The following ATRNL1 variants were observed in gnomAD, a reference collection of about 807,000 sequenced individuals.
ATRNL1 encodes attractin like 1, also known as attractin-like protein 1.
A neutral mutation model predicts 182.7 loss-of-function variants in ATRNL1; 95 were observed. The observed-to-expected ratio is 0.52, with a 90% CI of 0.44 to 0.62. ATRNL1 has a LOEUF of 0.62. ATRNL1 is among the 20% of genes least tolerant of loss of function. The pLI is 0.00. For missense variants in ATRNL1, 1,471 were observed against 1,679.5 expected (o/e 0.88, Z 2.17); for synonymous variants, 576 against 568.3 (o/e 1.01, Z -0.19).
chr10:115,696,367 G>A (rs1303411416), intron 26 of ATRNL1, among the ~76,000 whole-genome samples: 1 of 152,188 alleles, frequency 6.6e-6, no homozygotes, highest in Non-Finnish European at 1.5e-5. Flanking sequence ...CTACTCAGGA[G>A]GCTGAGGTAG....
intron 19 of ATRNL1, among the ~76,000 whole-genome samples, chr10:115,339,340 CCATGAATTGATTCTTCCAATG>C (rs573631774): frequency 9.5e-4 from 144 of 152,194 alleles, no homozygotes; most frequent in Non-Finnish European, 1.7e-3. Context: ...TTCTTCCAAT[CCATGAATTGATTCTTCCAATG>C]CATTTTTGGT....
At chr10:115,744,163 A>C (rs1484910321) in intron 27 of ATRNL1, among the ~76,000 whole-genome samples, 1 of 152,118 alleles carries the variant, frequency 6.6e-6, no homozygotes, top group Non-Finnish European at 1.5e-5. Flanking sequence ...GTTTGGAGGA[A>C]TTTTAGAAAT....
At chr10:115,232,923 T>C (rs1169274672) in intron 9 of ATRNL1, among the ~76,000 whole-genome samples, 2 of 152,182 alleles carry the variant, frequency 1.3e-5, no homozygotes, top group African/African-American at 4.8e-5. Flanking sequence ...AACAGAAATT[T>C]AGCTTCTCAC....
At chr10:115,327,080 A>C (rs1554933545) in intron 18 of ATRNL1, among the ~76,000 whole-genome samples, 1 of 151,414 alleles carries the variant, frequency 6.6e-6, no homozygotes, top group Non-Finnish European at 1.5e-5. Flanking sequence ...CAAAATTGAC[A>C]AATGGGATCT....
intron 17 of ATRNL1, among the ~76,000 whole-genome samples, chr10:115,305,653 T>C (rs1007717660): frequency 6.6e-6 from 1 of 152,240 alleles, no homozygotes; most frequent in Non-Finnish European, 1.5e-5. Context: ...ACAAACATTA[T>C]TGTTCAATGA....
In ATRNL1 at chr10:115,367,852, C is replaced by G. The variant is rs550088672; in HGVS notation, c.3176-26807C>G. On this transcript the variant is annotated intron_variant, in intron 19 of 28. Transcript: ENST00000355044. ...TGCTCGGGGGTCAGGGGTCAGGGAC[C>G]CACTTGAGGAGGCAGTCTGCCCGTT... Among the ~76,000 whole-genome samples, 18 of 147,860 alleles carry G rather than the reference C, an allele frequency of 1.2e-4. No homozygotes were observed. In the South Asian group the frequency reaches 3.8e-3, roughly 31 times the overall value.
At chr10:115,835,688 C>A (rs1192956561) in intron 27 of ATRNL1, among the ~76,000 whole-genome samples, 1 of 152,208 alleles carries the variant, frequency 6.6e-6, no homozygotes, top group Admixed American at 6.5e-5. Context: ...TATAGTAGGA[C>A]TGGGATGTGC....
chr10:115,843,759 G>T (rs147095898), intron 27 of ATRNL1, among the ~76,000 whole-genome samples: 1 of 152,054 alleles, frequency 6.6e-6, no homozygotes, highest in South Asian at 2.1e-4. Flanking sequence ...CGTTTTAAGA[G>T]TTAATGTCTT....
intron 8 of ATRNL1, among the ~76,000 whole-genome samples, chr10:115,180,176 TA>T (rs1372783719): frequency 5.3e-5 from 8 of 151,992 alleles, no homozygotes; most frequent in Admixed American, 3.9e-4. Context: ...CATGTTAATT[TA>T]AAAAAATTGT....
chr10:115,924,486 C>A (rs1160729527), intron 28 of ATRNL1, among the ~76,000 whole-genome samples: 1 of 152,118 alleles, frequency 6.6e-6, no homozygotes, highest in Admixed American at 6.5e-5. Flanking sequence ...GTTTTTCCAG[C>A]ACCATTTATT....
chr10:115,920,672 C>T (rs553625282), intron 28 of ATRNL1, among the ~76,000 whole-genome samples: 3 of 152,298 alleles, frequency 2.0e-5, no homozygotes, highest in South Asian at 4.1e-4. Flanking sequence ...ATGACCTTGC[C>T]TGGTTAACCA....
intron 28 of ATRNL1, among the ~76,000 whole-genome samples, chr10:115,863,507 G>GT (rs144890323): frequency 1.3e-5 from 2 of 152,218 alleles, no homozygotes; most frequent in Non-Finnish European, 2.9e-5. Context: ...ATGAGAGCTA[G>GT]TTTTCTCACT....
At chr10:115,856,499 T>C in intron 28 of ATRNL1, among the ~76,000 whole-genome samples, 1 of 148,390 alleles carries the variant, frequency 6.7e-6, no homozygotes, top group East Asian at 2.0e-4. Flanking sequence ...CATGCTGTCC[T>C]TTGAGTTACT....
At chr10:115,097,721 C>A (rs1045784240) in intron 1 of ATRNL1, among the ~76,000 whole-genome samples, 1 of 152,052 alleles carries the variant, frequency 6.6e-6, no homozygotes, top group Non-Finnish European at 1.5e-5. Flanking sequence ...GTCAGGAGAT[C>A]GAGACCATCC....
intron 27 of ATRNL1, among the ~76,000 whole-genome samples, chr10:115,786,886 A>C (rs1555080519): frequency 6.6e-6 from 1 of 152,160 alleles, no homozygotes; most frequent in African/African-American, 2.4e-5. Flanking sequence ...AGACTGTGGC[A>C]ACACCTAGAG....
chr10:115,589,752 A>G (rs960065734), intron 26 of ATRNL1, among the ~76,000 whole-genome samples: 21 of 152,328 alleles, frequency 1.4e-4, no homozygotes, highest in Middle Eastern at 3.4e-3. Flanking sequence ...AATTATTTAT[A>G]TAACACATAA....
intron 28 of ATRNL1, among the ~76,000 whole-genome samples, chr10:115,914,068 A>G (rs1316787654): frequency 6.6e-6 from 1 of 152,064 alleles, no homozygotes; most frequent in African/African-American, 2.4e-5. Flanking sequence ...CATGATAGTA[A>G]GTGAGTTCTC....
rs547872850 is a variant in ATRNL1 at position 115,254,241 on chromosome 10, C to T, written c.1688-10952C>T. On this transcript the variant is annotated intron_variant, in intron 10 of 28. Coordinates refer to ENST00000355044, the MANE Select transcript of ATRNL1 (RefSeq NM_207303.4). ...CTTCCACAATGGTTGAACTAATTTACGCTTCCACCAACAGTGTAAAAACAT... is the reference window on the plus strand; with the variant it reads ...CTTCCACAATGGTTGAACTAATTTATGCTTCCACCAACAGTGTAAAAACAT... 1.5e-3 allele frequency among the ~76,000 whole-genome samples: 230 copies of T among 152,300 alleles called. 1 individual carries two copies. The highest frequency in any genetic ancestry group is 1.6e-3 in the Non-Finnish European group (108 of 68,024).
In ATRNL1 at chr10:115,566,455, C is replaced by G. The variant is rs1310935229; in HGVS notation, c.3795+16919C>G. Among the ~76,000 whole-genome samples, 11 of 152,170 alleles carry G rather than the reference C, an allele frequency of 7.2e-5. No individual in the cohort carries two copies. In the East Asian group the frequency reaches 1.9e-3, roughly 27 times the overall value. ...TTAGTAATTTACATATAACCTTTGGCTATTCTTTTATCTTAGGTTATTGAT... is the reference window on the plus strand; with the variant it reads ...TTAGTAATTTACATATAACCTTTGGGTATTCTTTTATCTTAGGTTATTGAT... On this transcript the variant is annotated intron_variant, in intron 26 of 28. Coordinates refer to ENST00000355044, the MANE Select transcript of ATRNL1 (RefSeq NM_207303.4).
Sources: gnomAD v4.1 joint callset for allele counts (sites outside exome capture counted in the v4.1 genomes callset) on GRCh38, gnomAD v4.1.1 for gene constraint, MANE v1.5 for transcripts, NCBI Gene and HGNC (gene_info 2026-07-23, HGNC 2026-07-21) for gene names.